The following FBXO10 variants were observed in gnomAD, a reference collection of about 807,000 sequenced individuals.
FBXO10 encodes F-box protein 10.
FBXO10 carries 39 observed loss-of-function variants against 80.7 expected under a neutral mutation model. That is an observed-to-expected ratio of 0.48 (90% CI 0.37 to 0.63). The LOEUF is 0.63. Among genes scored for constraint, FBXO10 ranks in the 30% least tolerant of loss-of-function variants. The pLI, the probability that FBXO10 is intolerant of heterozygous loss-of-function variation, is 0.00. For missense variants in FBXO10, 1,025 were observed against 1,269.0 expected (o/e 0.81, Z 2.92); for synonymous variants, 449 against 489.6 (o/e 0.92, Z 1.09).
chr9:37,528,274 T>C (rs116687980), intron 5 of FBXO10, among the ~76,000 whole-genome samples: 1 of 152,182 alleles, frequency 6.6e-6, no homozygotes, highest in Non-Finnish European at 1.5e-5. Context: ...GTGGCACAGA[T>C]GGTCTGCCGC....
intron 7 of FBXO10, 24 bp from the exon 8 acceptor site, chr9:37,521,862 C>A: frequency 6.5e-7 from 1 of 1,545,574 alleles, no homozygotes; most frequent in South Asian, 1.2e-5. Context: ...AGGAGCTGGT[C>A]ACCGACACTG....
chr9:37,543,620 T>A (rs1821980046), intron 1 of FBXO10, among the ~76,000 whole-genome samples: 1 of 152,226 alleles, frequency 6.6e-6, no homozygotes, highest in Non-Finnish European at 1.5e-5. Flanking sequence ...CTGCAGGTCA[T>A]AGCTCTAGTC....
chr9:37,524,084 G>A (rs1029745043), intron 6 of FBXO10, among the ~76,000 whole-genome samples: 17 of 152,076 alleles, frequency 1.1e-4, no homozygotes, highest in African/African-American at 3.9e-4. Context: ...GGCCCCTTGT[G>A]CACCACACTC....
intron 3 of FBXO10, among the ~76,000 whole-genome samples, chr9:37,534,745 T>C (rs752876662): frequency 4.6e-5 from 7 of 152,096 alleles, no homozygotes; most frequent in Non-Finnish European, 7.4e-5. Context: ...GAGAGAGGCA[T>C]TAAGCCCCTC....
rs776964849 is a variant in FBXO10 at position 37,537,240 on chromosome 9, C to A, written c.1289G>T (p.Cys430Phe). 6.2e-7 allele frequency: 1 copy of A among 1,613,912 alleles called. No individual in the cohort carries two copies. Among genetic ancestry groups the A allele is most frequent in the Non-Finnish European group, 8.5e-7 (1 of 1,179,910 alleles). ...CCGGAAGAGGCACTTGCGGATGAGG[C>A]AGCCCTGCACGGAGTTGGCCAGTGC... ...AMALANSVQG[C>F]LIRKCLFRDG... The change falls in exon 3 of 11, where the codon TGC becomes TTC. Residue 430 changes from cysteine (C) to phenylalanine (F), a missense_variant. Cys to Phe is a radical substitution (Grantham distance 205). Transcript: ENST00000432825.
At chr9:37,563,042 A>G (rs1048320923) in intron 1 of FBXO10, among the ~76,000 whole-genome samples, 1 of 152,190 alleles carries the variant, frequency 6.6e-6, no homozygotes, top group African/African-American at 2.4e-5. Context: ...GGTGTGACCA[A>G]GTAGAGATAA....
At chr9:37,514,218 ATGTATT>A (rs565930319) in intron 10 of FBXO10, among the ~76,000 whole-genome samples, 8 of 152,324 alleles carry the variant, frequency 5.3e-5, no homozygotes, top group Non-Finnish European at 7.3e-5. Flanking sequence ...GGAGGACTGT[ATGTATT>A]TGAGTTTGGC....
At chr9:37,553,885 C>T (rs1045803250) in intron 1 of FBXO10, among the ~76,000 whole-genome samples, 12 of 130,960 alleles carry the variant, frequency 9.2e-5, no homozygotes, top group Non-Finnish European at 1.7e-4. Flanking sequence ...CATTGCACTC[C>T]AGCCCGGGCA....
chr9:37,534,335 A>G lies in FBXO10; in HGVS notation c.1420-2277T>C, dbSNP rs551680032. Reference sequence around the variant, plus strand: ...TGGACTTTCTGGTGGAACCCATCAGAGCTGAGGCTGCTGGACAACCGGCTA... The same window carrying G: ...TGGACTTTCTGGTGGAACCCATCAGGGCTGAGGCTGCTGGACAACCGGCTA... On this transcript the variant is annotated intron_variant, in intron 3 of 10. Coordinates refer to ENST00000432825, the MANE Select transcript of FBXO10 (RefSeq NM_012166.3). Among the ~76,000 whole-genome samples, 17 of 152,334 alleles carry G rather than the reference A, an allele frequency of 1.1e-4. No homozygotes were observed. The South Asian group carries it at 3.1e-3, about 28-fold the overall frequency.
At chr9:37,530,013 A>G (rs1821578853) in intron 4 of FBXO10, among the ~76,000 whole-genome samples, 2 of 152,038 alleles carry the variant, frequency 1.3e-5, no homozygotes, top group South Asian at 4.2e-4. Flanking sequence ...GAATGGGAAA[A>G]CAGGCCCACG....
chr9:37,532,153 T>G, intron 3 of FBXO10, 95 bp from the exon 4 acceptor site: 1 of 1,362,526 alleles, frequency 7.3e-7, no homozygotes, highest in Non-Finnish European at 1.0e-6. Flanking sequence ...CACCACCTGA[T>G]CCATGCAGTT....
At chr9:37,568,649 G>A (rs2119195632) in intron 1 of FBXO10, among the ~76,000 whole-genome samples, 1 of 152,278 alleles carries the variant, frequency 6.6e-6, no homozygotes, top group African/African-American at 2.4e-5. Flanking sequence ...CCCTAAGGTG[G>A]AAAAAGGATA....
intron 1 of FBXO10, among the ~76,000 whole-genome samples, chr9:37,574,990 C>T (rs1822856716): frequency 6.6e-6 from 1 of 152,180 alleles, no homozygotes; most frequent in Non-Finnish European, 1.5e-5. Flanking sequence ...CTCCACTACC[C>T]ACTGCCAGCA....
intron 3 of FBXO10, chr9:37,535,877 A>T (rs991118241): frequency 4.6e-5 from 7 of 152,254 alleles, no homozygotes; most frequent in African/African-American, 1.7e-4. Context: ...TAAGGGGCAG[A>T]GCCAGACTTT....
chr9:37,533,003 T>C (rs751860664), intron 3 of FBXO10, among the ~76,000 whole-genome samples: 1 of 152,228 alleles, frequency 6.6e-6, no homozygotes, highest in Non-Finnish European at 1.5e-5. Context: ...TCTTTCATGG[T>C]GTATCACCCT....
rs1821171671 is a variant in FBXO10 at position 37,516,034 on chromosome 9, C to T, written c.2566G>A (p.Gly856Ser). The T allele has an allele frequency of 1.2e-6, 2 of 1,613,978 alleles. No homozygotes were observed. Among genetic ancestry groups the T allele is most frequent in the South Asian group, 1.1e-5 (1 of 91,082 alleles). ...TCCTGCACCAGGGCCTTGGCACGGC[C>T]CCGCACGGCGATGCCGTAGGCCCGG... ...SFRAYGIAVRGRAKALVQENI... is the reference protein window; with the variant it reads ...SFRAYGIAVRSRAKALVQENI... The change falls in exon 10 of 11, where the codon GGC becomes AGC. Residue 856 changes from glycine (G) to serine (S), a missense_variant. By Grantham distance (56) the Gly-to-Ser change is moderately conservative. Coordinates refer to ENST00000432825, the MANE Select transcript of FBXO10 (RefSeq NM_012166.3).
intron 9 of FBXO10, among the ~76,000 whole-genome samples, chr9:37,517,474 C>T (rs577372383): frequency 6.3e-5 from 7 of 110,958 alleles, no homozygotes; most frequent in Admixed American, 3.3e-4. Context: ...GAGCTCAGTC[C>T]GGTGGGGAGA....
intron 1 of FBXO10, among the ~76,000 whole-genome samples, chr9:37,565,435 G>T (rs1296255762): frequency 6.6e-5 from 10 of 152,106 alleles, no homozygotes; most frequent in Non-Finnish European, 1.0e-4. Flanking sequence ...TATTTGAGGG[G>T]CACAATATTA....
chr9:37,526,451 A>C (rs1475414), intron 5 of FBXO10, among the ~76,000 whole-genome samples: 95,091 of 151,996 alleles, frequency 0.63, 30,733 homozygotes, highest in Middle Eastern at 0.76. Flanking sequence ...CACTGATCTA[A>C]TTATGATATT....
Sources: allele counts gnomAD v4.1 joint callset (sites outside exome capture counted in the v4.1 genomes callset), GRCh38; gene constraint gnomAD v4.1.1; transcripts MANE v1.5; gene names NCBI Gene and HGNC (gene_info 2026-07-23, HGNC 2026-07-21).